LPAR6: variants seen among roughly 807,000 people sequenced by gnomAD.
LPAR6 encodes the protein G-protein coupled purinergic receptor P2Y5.
Under a neutral mutation model 22.0 loss-of-function variants are expected in LPAR6, and 17 were observed. The ratio of observed to expected loss-of-function variants is 0.77; its 90% CI spans 0.53 to 1.16. The LOEUF (loss-of-function observed/expected upper bound fraction) is 1.16, where lower values mean the gene tolerates loss of function less well. Among genes scored for constraint, LPAR6 ranks in the 50% most tolerant of loss-of-function variants. The pLI, the probability that LPAR6 is intolerant of heterozygous loss-of-function variation, is 0.00. For missense variants in LPAR6, 384 were observed against 406.9 expected (o/e 0.94, Z 0.48); for synonymous variants, 136 against 139.8 (o/e 0.97, Z 0.19).
At chr13:48,423,630 G>A (rs1949039773) in intron 1 of LPAR6, among the ~76,000 whole-genome samples, 1 of 152,006 alleles carries the variant, frequency 6.6e-6, no homozygotes, top group Admixed American at 6.6e-5. Context: ...TAAAAGTTTC[G>A]AAGGCCATAA....
At chr13:48,424,692 GT>G (rs1312939679) in intron 1 of LPAR6, among the ~76,000 whole-genome samples, 3 of 152,042 alleles carry the variant, frequency 2.0e-5, no homozygotes, top group African/African-American at 7.2e-5. Flanking sequence ...AATCTCATCA[GT>G]TCCTTTTCTG....
intron 1 of LPAR6, among the ~76,000 whole-genome samples, chr13:48,395,138 C>T (rs375691082): frequency 7.9e-5 from 12 of 152,264 alleles, no homozygotes; most frequent in African/African-American, 2.6e-4. Flanking sequence ...AACTCCAGCA[C>T]ACCTGCAGCA....
chr13:48,442,389 A>G (rs532875676), intron 1 of LPAR6, among the ~76,000 whole-genome samples: 1 of 152,164 alleles, frequency 6.6e-6, no homozygotes, highest in South Asian at 2.1e-4. Context: ...TTTTGTAGAG[A>G]TGGGGTTTCA....
chr13:48,411,603 G>C lies in LPAR6; in HGVS notation c.821C>G (p.Pro274Arg), dbSNP rs767155699. The change falls in exon 1 of 1, where the codon CCA becomes CGA. Residue 274 changes from proline (P) to arginine (R), a missense_variant. By Grantham distance (103) the Pro-to-Arg change is moderately radical. Transcript: ENST00000620633. ...SVVAAVRTMY[P>R]ITLCIAVSNC... is the part of the protein sequence containing the mutation. ...GGAAACAGCAATACAGAGAGTGATTGGGTACATTGTCCTTACTGCTGCCAC... is the reference window on the plus strand; with the variant it reads ...GGAAACAGCAATACAGAGAGTGATTCGGTACATTGTCCTTACTGCTGCCAC... 6.2e-7 allele frequency: 1 copy of C among 1,611,688 alleles called. No individual in the cohort carries two copies. The highest frequency in any genetic ancestry group is 2.2e-5 in the East Asian group (1 of 44,786).
intron 1 of LPAR6, among the ~76,000 whole-genome samples, chr13:48,404,923 G>A (rs984318188): frequency 6.6e-6 from 1 of 152,100 alleles, no homozygotes; most frequent in African/African-American, 2.4e-5. Context: ...CAGCACAGAA[G>A]TTCTCATTAG....
At chr13:48,442,107 T>TGCTA (rs1413116371) in intron 1 of LPAR6, among the ~76,000 whole-genome samples, 2 of 152,204 alleles carry the variant, frequency 1.3e-5, no homozygotes, top group African/African-American at 2.4e-5. Context: ...TATTCAGACA[T>TGCTA]GCTAGCTTCA....
chr13:48,405,866 T>C (rs1381269126), intron 1 of LPAR6, among the ~76,000 whole-genome samples: 1 of 152,248 alleles, frequency 6.6e-6, no homozygotes, highest in Non-Finnish European at 1.5e-5. Context: ...ATTTTGCCTT[T>C]TTCTTATACA....
chr13:48,412,373 G>A lies in LPAR6; in HGVS notation c.51C>T (p.Tyr17=). The change falls in exon 1 of 1, where the codon TAC becomes TAT. Residue 17 remains tyrosine (Y), a synonymous_variant. Transcript: ENST00000620633. ...TGCTGAACATGCACCCATACAAAGT[G>A]TACTTAAAGGAGTCATTATAGAAGC... The part of the protein sequence containing the change: ...SHCFYNDSFK[Y]TLYGCMFSMV... 1.2e-6 allele frequency: 2 copies of A among 1,613,892 alleles called. No homozygotes were observed. Among genetic ancestry groups the A allele is most frequent in the African/African-American group, 2.7e-5 (2 of 75,022 alleles).
chr13:48,396,882 A>G (rs1948652901), intron 1 of LPAR6, among the ~76,000 whole-genome samples: 1 of 152,116 alleles, frequency 6.6e-6, no homozygotes, highest in South Asian at 2.1e-4. Flanking sequence ...TGGCCAACAA[A>G]CATATGAAAA....
chr13:48,438,796 AT>A (rs1252481064), intron 1 of LPAR6, among the ~76,000 whole-genome samples: 1 of 152,204 alleles, frequency 6.6e-6, no homozygotes, highest in African/African-American at 2.4e-5. Flanking sequence ...CTGGCATTCA[AT>A]AAATGTTATC....
intron 1 of LPAR6, among the ~76,000 whole-genome samples, chr13:48,405,274 G>A (rs1948729669): frequency 6.6e-6 from 1 of 152,118 alleles, no homozygotes; most frequent in Admixed American, 6.5e-5. Flanking sequence ...TCTAAATGGT[G>A]GGAATTTAAC....
At chr13:48,392,766 C>CT (rs905699358) in intron 1 of LPAR6, among the ~76,000 whole-genome samples, 17 of 107,926 alleles carry the variant, frequency 1.6e-4, no homozygotes, top group African/African-American at 4.4e-4. Flanking sequence ...CTCTCTCTCT[C>CT]TTTTTTTTAA....
At chr13:48,432,448 G>C (rs1194738456) in intron 1 of LPAR6, among the ~76,000 whole-genome samples, 1 of 147,888 alleles carries the variant, frequency 6.8e-6, no homozygotes, top group East Asian at 2.0e-4. Flanking sequence ...TGGGCTACTT[G>C]CCAGTGTTCT....
chr13:48,431,107 C>G (rs937449824), upstream of LPAR6, among the ~76,000 whole-genome samples: 2 of 149,870 alleles, frequency 1.3e-5, no homozygotes, highest in Non-Finnish European at 3.0e-5. Flanking sequence ...AGTTAAATGA[C>G]AAATTATGGA....
At chr13:48,431,995 A>C (rs967921319) in intron 1 of LPAR6, among the ~76,000 whole-genome samples, 1 of 152,160 alleles carries the variant, frequency 6.6e-6, no homozygotes, top group African/African-American at 2.4e-5. Flanking sequence ...CCCTGAGCTT[A>C]TATTTTATTT....
At chr13:48,395,398 A>T (rs1229439679) in intron 1 of LPAR6, among the ~76,000 whole-genome samples, 1 of 152,154 alleles carries the variant, frequency 6.6e-6, no homozygotes, top group Non-Finnish European at 1.5e-5. Context: ...TGACAGAAGT[A>T]GGCTTCAGAA....
chr13:48,413,764 T>C (rs1948859015), upstream of LPAR6, among the ~76,000 whole-genome samples: 1 of 152,178 alleles, frequency 6.6e-6, no homozygotes, highest in Non-Finnish European at 1.5e-5. Flanking sequence ...AAGAACAAAC[T>C]CAAGAATGTT....
chr13:48,417,059 C>T (rs1302319730), upstream of LPAR6: 2 of 152,402 alleles, frequency 1.3e-5, no homozygotes, highest in Admixed American at 6.5e-5. Flanking sequence ...TCTCCCAGGA[C>T]ATTGCTCGAG....
chr13:48,437,694 C>A (rs1483950545), intron 1 of LPAR6, among the ~76,000 whole-genome samples: 1 of 152,150 alleles, frequency 6.6e-6, no homozygotes, highest in Non-Finnish European at 1.5e-5. Flanking sequence ...AGCTCCCTGC[C>A]TCAACCCCAG....
Sources: gnomAD v4.1 joint callset for allele counts (sites outside exome capture counted in the v4.1 genomes callset) on GRCh38, gnomAD v4.1.1 for gene constraint, MANE v1.5 for transcripts, NCBI Gene and HGNC (gene_info 2026-07-23, HGNC 2026-07-21) for gene names.